BIK: variants seen among roughly 807,000 people sequenced by gnomAD.
BIK encodes BCL2 interacting killer.
In BIK, 14 loss-of-function variants were observed where a neutral mutation model predicts 12.1. The ratio of observed to expected loss-of-function variants is 1.16; its 90% CI spans 0.77 to 1.81. BIK has a LOEUF of 1.81. Ranked by LOEUF, BIK falls within the 40% of genes most tolerant of loss-of-function variation. The probability of loss-of-function intolerance (pLI) is 0.00; values close to 1 mark genes in which losing one functional copy is unlikely to be tolerated. For missense variants in BIK, 215 were observed against 207.9 expected, an observed-to-expected ratio of 1.03 and a Z score of -0.21; for synonymous variants, 86 against 92.3, an observed-to-expected ratio of 0.93 and a Z score of 0.39.
intron 2 of BIK, among the ~76,000 whole-genome samples, chr22:43,125,802 A>G (rs1282997112): frequency 1.3e-5 from 2 of 152,218 alleles, no homozygotes; most frequent in Non-Finnish European, 2.9e-5. Flanking sequence ...GAGGCCATGC[A>G]GTTCCTGGTC....
At chr22:43,112,663 G>A (rs748100281) in intron 1 of BIK, among the ~76,000 whole-genome samples, 2 of 151,880 alleles carry the variant, frequency 1.3e-5, no homozygotes, top group Non-Finnish European at 2.9e-5. Flanking sequence ...GGGAGGCTGA[G>A]GCAGGAGGAT....
At chr22:43,110,901 T>C (rs577357516) in intron 1 of BIK, 98 bp downstream of exon 1, 2 of 151,618 alleles carry the variant, frequency 1.3e-5, no homozygotes, top group Non-Finnish European at 1.5e-5. Flanking sequence ...CGGCTGGAAG[T>C]GTGGGGAGCC....
chr22:43,129,007 A>G (rs1293663148), intron 4 of BIK, among the ~76,000 whole-genome samples: 2 of 152,188 alleles, frequency 1.3e-5, no homozygotes, highest in African/African-American at 4.8e-5. Context: ...TGTCCCGCAG[A>G]CTGGCAGGCC....
At position 43,124,003 on chromosome 22, in the gene BIK, CTTT is replaced by C; in HGVS notation, c.-7-10_-7-8del. ...TCTTAGGGGTCCAGTCATATGCTGTCTTTTTGCCCCAGAGGAGAAATGTCTGAA... is the reference window on the plus strand; with the variant it reads ...TCTTAGGGGTCCAGTCATATGCTGTCTTGCCCCAGAGGAGAAATGTCTGAA... On this transcript the variant is annotated splice_polypyrimidine_tract_variant and intron_variant, in intron 1 of 4. Coordinates refer to ENST00000216115, the MANE Select transcript of BIK (RefSeq NM_001197.5). The C allele has an allele frequency of 6.2e-7, 1 of 1,613,764 alleles. No homozygotes were observed. Among genetic ancestry groups the C allele is most frequent in the Non-Finnish European group, 8.5e-7 (1 of 1,179,782 alleles).
intron 3 of BIK, among the ~76,000 whole-genome samples, 154 bp downstream of exon 3, chr22:43,127,949 G>A (rs4988435): frequency 0.19 from 28,899 of 152,062 alleles, 2,974 homozygotes; most frequent in African/African-American, 0.26. Flanking sequence ...GCTGCTTCCC[G>A]CACCTCTCCT....
At chr22:43,115,181 C>T (rs879382910) in intron 1 of BIK, among the ~76,000 whole-genome samples, 2 of 152,146 alleles carry the variant, frequency 1.3e-5, no homozygotes, top group Non-Finnish European at 2.9e-5. Context: ...GCTGGGACAA[C>T]ACAGATGAGG....
At chr22:43,124,925 C>T (rs537110036) in intron 2 of BIK, among the ~76,000 whole-genome samples, 6 of 152,276 alleles carry the variant, frequency 3.9e-5, no homozygotes, top group South Asian at 4.1e-4. Context: ...GGCAGAGCAG[C>T]GGCATGGGCT....
At chr22:43,112,093 A>C (rs1439678670) in intron 1 of BIK, among the ~76,000 whole-genome samples, 1 of 152,140 alleles carries the variant, frequency 6.6e-6, no homozygotes, top group Non-Finnish European at 1.5e-5. Flanking sequence ...AGCCCCTCTC[A>C]AGTTAGTAGC....
At chr22:43,126,055 GTC>G (rs1299820237) in intron 2 of BIK, among the ~76,000 whole-genome samples, 1 of 150,018 alleles carries the variant, frequency 6.7e-6, no homozygotes, top group African/African-American at 2.5e-5. Flanking sequence ...TTGAGACAGA[GTC>G]TCTGTCACCC....
At chr22:43,111,459 G>T (rs1371372992) in intron 1 of BIK, among the ~76,000 whole-genome samples, 1 of 152,140 alleles carries the variant, frequency 6.6e-6, no homozygotes, top group African/African-American at 2.4e-5. Context: ...GCCCGGCTGG[G>T]GCATGCGACC....
At chr22:43,113,626 T>TC (rs397978220) in intron 1 of BIK, among the ~76,000 whole-genome samples, 4 of 151,692 alleles carry the variant, frequency 2.6e-5, no homozygotes, top group South Asian at 2.1e-4. Flanking sequence ...ACTTTTTTTT[T>TC]CCCCCATTTC....
intron 2 of BIK, among the ~76,000 whole-genome samples, chr22:43,127,243 G>GC (rs1196183620): frequency 1.3e-5 from 2 of 152,064 alleles, no homozygotes; most frequent in African/African-American, 4.8e-5. Flanking sequence ...AGGTCTTAGA[G>GC]CCCCCTCACC....
Position 43,129,469 on chromosome 22 carries a change from TTG to T in BIK, c.*166_*167del, listed in dbSNP as rs1930397306. The T allele has an allele frequency of 5.7e-6, 7 of 1,223,788 alleles. No individual in the cohort carries two copies. In the African/African-American group the frequency reaches 9.5e-5, roughly 17 times the overall value. The allele number at this position is 1,223,788 out of a possible 1,614,324, so 75.8% of individuals were successfully genotyped here. A position where few individuals can be genotyped will look rare whatever the true frequency, so the allele number is the denominator to read the frequency against. On this transcript the variant is annotated 3_prime_UTR_variant, in exon 5 of 5. Coordinates refer to ENST00000216115, the MANE Select transcript of BIK (RefSeq NM_001197.5). ...TGCTGAGGTTTTATACTCAGGTTTT[TTG>T]TTTTTTTTTTATTCCAGTTTTCGTT...
At chr22:43,122,340 T>G (rs374122355) in intron 1 of BIK, among the ~76,000 whole-genome samples, 2 of 152,258 alleles carry the variant, frequency 1.3e-5, no homozygotes, top group Non-Finnish European at 1.5e-5. Flanking sequence ...AAGGTAATGG[T>G]TAGTGCCAAC....
rs1930270590 is a variant in BIK at position 43,124,183 on chromosome 22, G to A, written c.161G>A (p.Ser54Asn). Residue 54 changes from serine to asparagine, a missense_variant and splice_region_variant, in exon 2 of 5, where the codon AGT (serine) becomes AAT (asparagine). Physicochemically the swap from Ser to Asn is conservative, Grantham distance 46 (BLOSUM62 1). Coordinates refer to ENST00000216115, the MANE Select transcript of BIK (RefSeq NM_001197.5). ...GATTCTTTGGAATGCATGGAGGGCAGGTAGGTCCCCATGGCCTGCCCTACC... is the reference window on the plus strand; with the variant it reads ...GATTCTTTGGAATGCATGGAGGGCAAGTAGGTCCCCATGGCCTGCCCTACC... ...DFDSLECMEGSDALALRLACI... is the reference protein window; with the variant it reads ...DFDSLECMEGNDALALRLACI... The A allele has an allele frequency of 6.2e-7, 1 of 1,613,952 alleles. No individual in the cohort carries two copies. Among genetic ancestry groups the A allele is most frequent in the Non-Finnish European group, 8.5e-7 (1 of 1,179,950 alleles).
intron 1 of BIK, among the ~76,000 whole-genome samples, chr22:43,113,275 G>C (rs1930045524): frequency 6.6e-6 from 1 of 152,204 alleles, no homozygotes; most frequent in African/African-American, 2.4e-5. Context: ...TCTATGGCTG[G>C]ATAGAGAGGC....
chr22:43,117,515 C>T (rs1930139155), intron 1 of BIK, among the ~76,000 whole-genome samples: 1 of 147,854 alleles, frequency 6.8e-6, no homozygotes, highest in South Asian at 2.2e-4. Flanking sequence ...ACTACAGGCG[C>T]CCGCCACCAC....
chr22:43,116,744 AC>A (rs1930121825), intron 1 of BIK, among the ~76,000 whole-genome samples: 1 of 152,198 alleles, frequency 6.6e-6, no homozygotes, highest in South Asian at 2.1e-4. Context: ...GGCGTAAGCC[AC>A]CGTGCCCGGC....
At chr22:43,111,359 G>T (rs960489220) in intron 1 of BIK, among the ~76,000 whole-genome samples, 7 of 152,358 alleles carry the variant, frequency 4.6e-5, no homozygotes, top group Middle Eastern at 3.4e-3. Context: ...GTCCGGAACA[G>T]GAACGTGCAC....
Sources: gnomAD v4.1 joint callset for allele counts (sites outside exome capture counted in the v4.1 genomes callset) on GRCh38, gnomAD v4.1.1 for gene constraint, MANE v1.5 for transcripts, NCBI Gene and HGNC (gene_info 2026-07-23, HGNC 2026-07-21) for gene names.